The following ZBTB21 variants were observed in gnomAD, a reference collection of about 807,000 sequenced individuals.
The protein encoded by ZBTB21 is zinc finger and BTB domain containing 21.
In ZBTB21, 10 loss-of-function variants were observed where a neutral mutation model predicts 39.8. That is an observed-to-expected ratio of 0.25 (90% CI 0.16 to 0.43). The LOEUF (loss-of-function observed/expected upper bound fraction) is 0.43, where lower values mean the gene tolerates loss of function less well. ZBTB21 is among the 20% of genes least tolerant of loss of function. The pLI, the probability that ZBTB21 is intolerant of heterozygous loss-of-function variation, is 1.00. For missense variants in ZBTB21, 1,221 were observed against 1,296.3 expected, an observed-to-expected ratio of 0.94 and a Z score of 0.89; for synonymous variants, 551 against 498.8, an observed-to-expected ratio of 1.10 and a Z score of -1.40.
Position 41,993,040 on chromosome 21 carries a change from G to C in ZBTB21, c.1056C>G (p.Val352=), listed in dbSNP as rs2065690310. Residue 352 remains valine, a synonymous_variant, in exon 3 of 3, where the codon GTC becomes GTG. Coordinates refer to ENST00000310826, the MANE Select transcript of ZBTB21 (RefSeq NM_001098402.2). ...ATTTCAAATCTATGGAAGGTGAATA[G>C]ACAGGAACCTGGCTATCCATCGACA... ...RSLSMDSQVP[V]YSPSIDLKSS... 1.2e-6 allele frequency: 2 copies of C among 1,614,212 alleles called. No individual in the cohort carries two copies. Among genetic ancestry groups the C allele is most frequent in the Admixed American group, 1.7e-5 (1 of 60,024 alleles).
Position 41,993,085 on chromosome 21 carries a change from C to CG in ZBTB21, c.1010_1011insC (p.Lys337AsnfsTer12). ...TCGACAATGACCGTCTGAGGAGACT[C>CG]TTAACAAGTGGGCCACTCCTGTCAA... On this transcript the variant is annotated frameshift_variant, in exon 3 of 3. Coordinates refer to ENST00000310826, the MANE Select transcript of ZBTB21 (RefSeq NM_001098402.2). LOFTEE classifies it high-confidence loss of function. The CG allele has an allele frequency of 3.7e-6, 6 of 1,614,260 alleles. No individual in the cohort carries two copies. The highest frequency in any genetic ancestry group is 5.1e-6 in the Non-Finnish European group (6 of 1,180,054).
Position 41,991,902 on chromosome 21 carries a change from A to C in ZBTB21, c.2194T>G (p.Ser732Ala). The C allele has an allele frequency of 6.2e-7, 1 of 1,614,174 alleles. No homozygotes were observed. The highest frequency in any genetic ancestry group is 8.5e-7 in the Non-Finnish European group (1 of 1,180,048). Residue 732 changes from serine (S) to alanine (A), a missense_variant, in exon 3 of 3, where the codon TCT (serine) becomes GCT (alanine). By Grantham distance (99) the Ser-to-Ala change is moderately conservative. This residue lies in a region of ZBTB21 where 523 missense variants were observed against 542.5 expected (regional missense o/e 0.96). Transcript: ENST00000310826. The surrounding 1 kb of genome is among the most constrained non-coding windows in gnomAD (Gnocchi z 4.9). ...TGGCTTCCTTGCTCTAGGAGAGAAG[A>C]GAGCTTAGCATTACAGAGGCGGCAC... ...YQCRLCNAKL[S>A]SLLEQGSHER...
In ZBTB21 at chr21:41,990,369, T is replaced by C. The variant is rs926464887; in HGVS notation, c.*526A>G. 1.3e-5 allele frequency: 2 copies of C among 152,660 alleles called. No homozygotes were observed. Among genetic ancestry groups the C allele is most frequent in the African/African-American group, 4.8e-5 (2 of 41,468 alleles). 9.5% of individuals were successfully genotyped at this position (152,660 alleles called of 1,614,324 possible). A position where few individuals can be genotyped will look rare whatever the true frequency, so the allele number is the denominator to read the frequency against. ...GACCACAAAATACCAAATATTTATT[T>C]TTATCAAGTGTCAGGATAACTTATT... On this transcript the variant is annotated 3_prime_UTR_variant, in exon 3 of 3. Coordinates refer to ENST00000310826, the MANE Select transcript of ZBTB21 (RefSeq NM_001098402.2).
Position 41,991,922 on chromosome 21 carries a change from C to T in ZBTB21, c.2174G>A (p.Arg725His), listed in dbSNP as rs749159583. 7 of 1,613,986 alleles carry T rather than the reference C, an allele frequency of 4.3e-6. No homozygotes were observed. Among genetic ancestry groups the T allele is most frequent in the East Asian group, 2.2e-5 (1 of 44,904 alleles). The part of the protein sequence containing the change: ...PVENKEVYQC[R>H]LCNAKLSSLL... ...AGAAGAGAGCTTAGCATTACAGAGG[C>T]GGCACTGGTAAACCTCCTTGTTTTC... Residue 725 changes from arginine to histidine, a missense_variant, in exon 3 of 3, where the codon CGC becomes CAC. This residue lies in a region of ZBTB21 where 523 missense variants were observed against 542.5 expected (regional missense o/e 0.96). Coordinates refer to ENST00000310826, the MANE Select transcript of ZBTB21 (RefSeq NM_001098402.2). This position sits in a 1 kb window ranked among gnomAD's most constrained non-coding sequence, Gnocchi z 4.9.
Position 42,008,540 on chromosome 21 carries a change from C to CAAA in ZBTB21, c.-79+1709_-79+1711dup, listed in dbSNP as rs68176203. Reference sequence around the variant, plus strand: ...TGGGGCAACAAGAGTGAAACTCTGTCAAAAAAAAAAAAAAAAAAAAAAGAA... The same window carrying CAAA: ...TGGGGCAACAAGAGTGAAACTCTGTCAAAAAAAAAAAAAAAAAAAAAAAAAGAA... On this transcript the variant is annotated intron_variant, in intron 1 of 2. Transcript: ENST00000310826. Among the ~76,000 whole-genome samples, 517 of 60,316 alleles carry CAAA rather than the reference C, an allele frequency of 8.6e-3. 10 individuals are homozygous for CAAA. The highest frequency in any genetic ancestry group is 0.029 in the African/African-American group (493 of 16,836). 39.6% of individuals were successfully genotyped at this position (60,316 alleles called of 152,430 possible). A position where few individuals can be genotyped will look rare whatever the true frequency, so the allele number is the denominator to read the frequency against.
Position 41,991,339 on chromosome 21 carries a change from C to A in ZBTB21, c.2757G>T (p.Thr919=). 1 of 1,606,786 alleles carries A rather than the reference C, an allele frequency of 6.2e-7. No individual in the cohort carries two copies. The highest frequency in any genetic ancestry group is 8.5e-7 in the Non-Finnish European group (1 of 1,176,190). The stretch of plus-strand genomic sequence containing the variant: ...GGTGACGCTCCAGCTGCTTATGCAC[C>A]GTGAACATCTTCCCACACTTCTCGC... ...WPCEKCGKMF[T]VHKQLERHQE... is the part of the protein sequence containing the mutation. Residue 919 remains threonine (T), a synonymous_variant, in exon 3 of 3, where the codon ACG becomes ACT. Coordinates refer to ENST00000310826, the MANE Select transcript of ZBTB21 (RefSeq NM_001098402.2). The surrounding 1 kb of genome is among the most constrained non-coding windows in gnomAD (Gnocchi z 4.9).
At chr21:41,998,418 T>C (rs923220267) in intron 2 of ZBTB21, among the ~76,000 whole-genome samples, 3 of 152,210 alleles carry the variant, frequency 2.0e-5, no homozygotes, top group Admixed American at 6.5e-5. Flanking sequence ...CCCGAACTCC[T>C]GACCTCACGT....
rs2065594583 is a variant in ZBTB21 at position 41,987,570 on chromosome 21, A to G, written c.*3325T>C. ...CAATTATTGCAGAAACATCACTGAG[A>G]CATCGTAAATTGTCAAACTGACTTG... On this transcript the variant is annotated 3_prime_UTR_variant, in exon 3 of 3. Coordinates refer to ENST00000310826, the MANE Select transcript of ZBTB21 (RefSeq NM_001098402.2). 1 of 152,246 alleles carries G rather than the reference A, an allele frequency of 6.6e-6. No homozygotes were observed. Among genetic ancestry groups the G allele is most frequent in the South Asian group, 2.1e-4 (1 of 4,836 alleles). 9.4% of individuals were successfully genotyped at this position (152,246 alleles called of 1,614,324 possible).
Position 41,991,494 on chromosome 21 carries a change from G to A in ZBTB21, c.2602C>T (p.Leu868Phe). The change falls in exon 3 of 3, where the codon CTT becomes TTT. Residue 868 changes from leucine to phenylalanine, a missense_variant. Leu to Phe is a conservative substitution (Grantham distance 22). This residue lies in a region of ZBTB21 where 523 missense variants were observed against 542.5 expected (regional missense o/e 0.96). Coordinates refer to ENST00000310826, the MANE Select transcript of ZBTB21 (RefSeq NM_001098402.2). This position sits in a 1 kb window ranked among gnomAD's most constrained non-coding sequence, Gnocchi z 4.9. ...ATTTTCAGTTGCTTGGAAAGACTAA[G>A]GTCTTCGGGAAGACAAGAGGAATCT... The part of the protein sequence containing the change: ...SEDSSCLPED[L>F]SLSKQLKIQV... 1.9e-6 allele frequency: 3 copies of A among 1,614,132 alleles called. No individual in the cohort carries two copies. The highest frequency in any genetic ancestry group is 2.2e-5 in the East Asian group (1 of 44,884).
chr21:41,993,193 T>A lies in ZBTB21; in HGVS notation c.903A>T (p.Gln301His), dbSNP rs765035883. The change falls in exon 3 of 3, where the codon CAA becomes CAT. Residue 301 changes from glutamine to histidine, a missense_variant. Around this residue, in one of 4 missense-constraint regions of ZBTB21, gnomAD observed 500 missense variants for 465.6 expected, o/e 1.07. Coordinates refer to ENST00000310826, the MANE Select transcript of ZBTB21 (RefSeq NM_001098402.2). Reference sequence around the variant, plus strand: ...AGTACAACAAGTTTCTATCTTCACCTTGACCATTTCCTTTGTTAGTTTCTT... The same window carrying A: ...AGTACAACAAGTTTCTATCTTCACCATGACCATTTCCTTTGTTAGTTTCTT... ...LLKETNKGNG[Q>H]GEDRNLLYYS... 2 of 1,613,304 alleles carry A rather than the reference T, an allele frequency of 1.2e-6. No homozygotes were observed. The highest frequency in any genetic ancestry group is 1.7e-6 in the Non-Finnish European group (2 of 1,180,032).
In ZBTB21 at chr21:41,988,794, T is replaced by A. The variant is rs1463192311; in HGVS notation, c.*2101A>T. ...TTTTACTGATTAACAATATTATTTT[T>A]AAAAAATCTTCGAAAATGTAGCATA... On this transcript the variant is annotated 3_prime_UTR_variant, in exon 3 of 3. Transcript: ENST00000310826. 1 of 152,058 alleles carries A rather than the reference T, an allele frequency of 6.6e-6. No homozygotes were observed. Among genetic ancestry groups the A allele is most frequent in the Non-Finnish European group, 1.5e-5 (1 of 67,978 alleles). The allele number at this position is 152,058 out of a possible 1,614,324, so 9.4% of individuals were successfully genotyped here. A position where few individuals can be genotyped will look rare whatever the true frequency, so the allele number is the denominator to read the frequency against.
chr21:41,997,109 A>C (rs1022750603), intron 2 of ZBTB21, among the ~76,000 whole-genome samples: 2 of 152,024 alleles, frequency 1.3e-5, no homozygotes, highest in Non-Finnish European at 2.9e-5. Flanking sequence ...ATTTTTAGAA[A>C]TGGGGCCTCA....
At position 41,992,817 on chromosome 21, in the gene ZBTB21, C is replaced by T. The variant is rs1457544605; in HGVS notation, c.1279G>A (p.Val427Met). The T allele has an allele frequency of 1.9e-6, 3 of 1,614,120 alleles. No individual in the cohort carries two copies. Among genetic ancestry groups the T allele is most frequent in the Admixed American group, 1.7e-5 (1 of 60,022 alleles). ...DREGASPVTE[V>M]RIKTEPSSPL... is the part of the protein sequence containing the mutation. ...CTGCTGGGCTCAGTCTTTATGCGCA[C>T]CTCAGTCACAGGGGAAGCTCCCTCC... The change falls in exon 3 of 3, where the codon GTG becomes ATG. Residue 427 changes from valine (V) to methionine (M), a missense_variant. Transcript: ENST00000310826. This position sits in a 1 kb window ranked among gnomAD's most constrained non-coding sequence, Gnocchi z 4.1.
At chr21:42,007,998 C>T (rs1435279796) in intron 1 of ZBTB21, 4 of 152,202 alleles carry the variant, frequency 2.6e-5, no homozygotes, top group Non-Finnish European at 5.9e-5. Flanking sequence ...CACAGTATAT[C>T]CTCAGGTCCA....
Position 41,993,987 on chromosome 21 carries a change from C to T in ZBTB21, c.109G>A (p.Gly37Arg). ...GQLCDVLLIVGDQKFRAHKNV... is the reference protein window; with the variant it reads ...GQLCDVLLIVRDQKFRAHKNV... ...TTATGAGCTCGGAACTTTTGGTCTC[C>T]AACAATCAGCAGCACATCACACAGC... The change falls in exon 3 of 3, where the codon GGA (glycine) becomes AGA (arginine). Residue 37 changes from glycine (G) to arginine (R), a missense_variant. Physicochemically the swap from Gly to Arg is moderately radical, Grantham distance 125 (BLOSUM62 -2). Around this residue, in one of 4 missense-constraint regions of ZBTB21, gnomAD observed 108 missense variants for 155.0 expected, o/e 0.70. Coordinates refer to ENST00000310826, the MANE Select transcript of ZBTB21 (RefSeq NM_001098402.2). 5 of 1,614,208 alleles carry T rather than the reference C, an allele frequency of 3.1e-6. No individual in the cohort carries two copies. The highest frequency in any genetic ancestry group is 4.2e-6 in the Non-Finnish European group (5 of 1,180,042).
Position 41,991,618 on chromosome 21 carries a change from G to C in ZBTB21, c.2478C>G (p.Pro826=), listed in dbSNP as rs772866534. 11 of 1,614,030 alleles carry C rather than the reference G, an allele frequency of 6.8e-6. 1 individual carries two copies. Among genetic ancestry groups the C allele is most frequent in the South Asian group, 6.6e-5 (6 of 91,084 alleles). The change falls in exon 3 of 3, where the codon CCC becomes CCG. Residue 826 remains proline, a synonymous_variant. Transcript: ENST00000310826. The surrounding 1 kb of genome is among the most constrained non-coding windows in gnomAD (Gnocchi z 4.9). The part of the protein sequence containing the change: ...HNGDVTGSSR[P]QSQPEPNKVN... ...CTTTGTTGGGCTCAGGCTGGGATTGGGGCCTTGAAGAACCAGTCACATCAC... is the reference window on the plus strand; with the variant it reads ...CTTTGTTGGGCTCAGGCTGGGATTGCGGCCTTGAAGAACCAGTCACATCAC...
At chr21:41,994,570 A>C (rs796093812) in intron 2 of ZBTB21, among the ~76,000 whole-genome samples, 1 of 152,176 alleles carries the variant, frequency 6.6e-6, no homozygotes, top group Non-Finnish European at 1.5e-5. Flanking sequence ...AACTGTTAAC[A>C]ATTGGTTGCA....
rs370927013 is a variant in ZBTB21, at chr21:41,993,161, T to C, written c.935A>G (p.Lys312Arg). Residue 312 changes from lysine to arginine, a missense_variant, in exon 3 of 3, where the codon AAG (lysine) becomes AGG (arginine). Transcript: ENST00000310826. ...ACTGGATGGGATCACTAAGCCTAACTTTGAATAGTACAACAAGTTTCTATC... is the reference window on the plus strand; with the variant it reads ...ACTGGATGGGATCACTAAGCCTAACCTTGAATAGTACAACAAGTTTCTATC... ...GEDRNLLYYS[K>R]LGLVIPSSGS... is the part of the protein sequence containing the mutation. 9 of 1,613,964 alleles carry C rather than the reference T, an allele frequency of 5.6e-6. No homozygotes were observed. In the East Asian group the frequency reaches 6.7e-5, roughly 12 times the overall value.
chr21:41,998,931 T>C (rs2065784822), intron 2 of ZBTB21, among the ~76,000 whole-genome samples: 1 of 152,262 alleles, frequency 6.6e-6, no homozygotes, highest in Non-Finnish European at 1.5e-5. Context: ...TTAATTCCTC[T>C]ATTTTTTTAA....
Sources: gnomAD v4.1 joint callset for allele counts (sites outside exome capture counted in the v4.1 genomes callset) on GRCh38, gnomAD v4.1.1 for gene constraint, gnomAD v4.1.1 regional missense constraint, Gnocchi (gnomAD v3.1) non-coding constraint, MANE v1.5 for transcripts, NCBI Gene and HGNC (gene_info 2026-07-23, HGNC 2026-07-21) for gene names.